Variants in BEND3 observed in about 807,000 individuals in gnomAD.
The protein encoded by BEND3 is BEN domain-containing protein 3.
BEND3 carries 13 observed loss-of-function variants against 60.1 expected under a neutral mutation model. The ratio of observed to expected loss-of-function variants is 0.22; its 90% CI spans 0.14 to 0.34. BEND3 has a LOEUF of 0.34. Ranked by LOEUF, BEND3 falls within the 10% of genes least tolerant of loss-of-function variation. The pLI is 1.00. For missense variants in BEND3, 896 were observed against 1,138.1 expected, an observed-to-expected ratio of 0.79 and a Z score of 3.06; for synonymous variants, 497 against 491.5, an observed-to-expected ratio of 1.01 and a Z score of -0.15.
At chr6:107,096,334 G>A (rs1184049533) in intron 3 of BEND3, among the ~76,000 whole-genome samples, 3 of 152,158 alleles carry the variant, frequency 2.0e-5, no homozygotes, top group Non-Finnish European at 2.9e-5. Flanking sequence ...AGAATTGGCC[G>A]GGCATAGTGA....
chr6:107,071,157 A>C (rs182672903), intron 3 of BEND3, among the ~76,000 whole-genome samples: 43 of 152,274 alleles, frequency 2.8e-4, no homozygotes, highest in African/African-American at 1.0e-3. Flanking sequence ...TGCTCTCCCC[A>C]TTCCCTGAGA....
chr6:107,099,420 T>C, intron 1 of BEND3, 124 bp from the exon 2 acceptor site: 1 of 776,686 alleles, frequency 1.3e-6, no homozygotes, highest in East Asian at 2.5e-5. Flanking sequence ...AGCACAGCAC[T>C]GTGGAAGCTA....
intron 3 of BEND3, among the ~76,000 whole-genome samples, chr6:107,096,324 A>G (rs1386441035): frequency 1.3e-5 from 2 of 152,216 alleles, no homozygotes; most frequent in African/African-American, 4.8e-5. Context: ...TGAAATGCCT[A>G]GAATTGGCCG....
intron 3 of BEND3, among the ~76,000 whole-genome samples, chr6:107,090,153 A>T (rs782444644): frequency 4.6e-5 from 7 of 152,028 alleles, no homozygotes; most frequent in Non-Finnish European, 1.0e-4. Flanking sequence ...GTTCAAGACC[A>T]TCCTGGCCAA....
At chr6:107,113,637 G>A (rs1289085763) in intron 1 of BEND3, among the ~76,000 whole-genome samples, 2 of 152,034 alleles carry the variant, frequency 1.3e-5, no homozygotes, top group Non-Finnish European at 2.9e-5. Context: ...ATGAGACACC[G>A]GGTTAGAGGC....
At chr6:107,105,884 C>G (rs1775803351) in intron 1 of BEND3, among the ~76,000 whole-genome samples, 1 of 152,192 alleles carries the variant, frequency 6.6e-6, no homozygotes, top group Admixed American at 6.5e-5. Context: ...CAAACTGAAG[C>G]AAACTCTCAC....
chr6:107,087,481 G>A lies in BEND3; in HGVS notation c.240+11070C>T, dbSNP rs558942427. Among the ~76,000 whole-genome samples the A allele has an allele frequency of 6.0e-4, 92 of 152,212 alleles. 1 individual carries two copies. The highest frequency in any genetic ancestry group is 1.9e-3 in the African/African-American group (80 of 41,542). ...CAACATGCAAGAACAGATGGTCGGC[G>A]AGGCGCAAGCACTTTAGGAGGCCGA... is the stretch of plus-strand genomic sequence containing the variant. On this transcript the variant is annotated intron_variant, in intron 3 of 3. Transcript: ENST00000369042.
chr6:107,100,758 C>T (rs1307906835), intron 1 of BEND3, among the ~76,000 whole-genome samples: 2 of 152,186 alleles, frequency 1.3e-5, no homozygotes, highest in Admixed American at 1.3e-4. Context: ...GTACAAGATA[C>T]AAAGGTAGTA....
chr6:107,081,514 A>G (rs311228), intron 3 of BEND3, among the ~76,000 whole-genome samples: 151,506 of 152,260 alleles, frequency 1, 75,382 homozygotes, highest in East Asian at 1. Context: ...GAGCCACCGC[A>G]CCTGGCCAAA....
intron 3 of BEND3, among the ~76,000 whole-genome samples, chr6:107,086,458 TACA>T (rs1176543661): frequency 6.6e-6 from 1 of 150,708 alleles, no homozygotes; most frequent in African/African-American, 2.4e-5. Flanking sequence ...CTACTAAAAA[TACA>T]ACAATTAGCC....
chr6:107,106,943 T>TC (rs202176081), intron 1 of BEND3, among the ~76,000 whole-genome samples: 2,233 of 150,906 alleles, frequency 0.015, 71 homozygotes, highest in African/African-American at 0.051. Context: ...GGGCTTTTTT[T>TC]TTTTTTTTTT....
At chr6:107,106,702 T>C (rs954333535) in intron 1 of BEND3, among the ~76,000 whole-genome samples, 3 of 152,152 alleles carry the variant, frequency 2.0e-5, no homozygotes, top group Admixed American at 6.6e-5. Context: ...CTTGAACTCC[T>C]GGGCTCAGAT....
chr6:107,076,410 C>T (rs1316525603), intron 3 of BEND3, among the ~76,000 whole-genome samples: 2 of 152,146 alleles, frequency 1.3e-5, no homozygotes, highest in Non-Finnish European at 2.9e-5. Context: ...TTTCATTCAG[C>T]CACCAGCACC....
intron 1 of BEND3, among the ~76,000 whole-genome samples, chr6:107,107,364 A>C (rs528632634): frequency 6.6e-6 from 1 of 152,200 alleles, no homozygotes; most frequent in Non-Finnish European, 1.5e-5. Context: ...AGTTTTTGTG[A>C]AAACTACAAA....
Position 107,065,718 on chromosome 6 carries a change from A to G in BEND3, c.*2986T>C, listed in dbSNP as rs1170929059. The G allele has an allele frequency of 1.3e-5, 2 of 152,218 alleles. No homozygotes were observed. Among genetic ancestry groups the G allele is most frequent in the Non-Finnish European group, 2.9e-5 (2 of 68,042 alleles). 9.4% of individuals were successfully genotyped at this position (152,218 alleles called of 1,614,324 possible). ...GTGGTCAGACCAGCAACTTTTACCA[A>G]TTAAATAGCCAATCTATTCACCACT... On this transcript the variant is annotated 3_prime_UTR_variant, in exon 4 of 4. Transcript: ENST00000369042.
At chr6:107,099,415 A>T in intron 1 of BEND3, 119 bp from the exon 2 acceptor site, 5 of 801,964 alleles carry the variant, frequency 6.2e-6, no homozygotes, top group South Asian at 1.6e-5. Context: ...AGAGCAGCAC[A>T]GCACTGTGGA....
chr6:107,089,869 A>T (rs1348372854), intron 3 of BEND3, among the ~76,000 whole-genome samples: 1 of 150,866 alleles, frequency 6.6e-6, no homozygotes, highest in African/African-American at 2.4e-5. Flanking sequence ...TGCTGGGATT[A>T]CAGGCGTGAG....
intron 3 of BEND3, among the ~76,000 whole-genome samples, chr6:107,082,708 C>T (rs1252154305): frequency 1.3e-5 from 2 of 152,152 alleles, no homozygotes; most frequent in Non-Finnish European, 2.9e-5. Flanking sequence ...GGATTACAGG[C>T]GTGAGCAACC....
At chr6:107,104,632 T>C (rs1562316114) in intron 1 of BEND3, among the ~76,000 whole-genome samples, 1 of 151,992 alleles carries the variant, frequency 6.6e-6, no homozygotes, top group Non-Finnish European at 1.5e-5. Context: ...GTGGTTATAG[T>C]GTATAGTTTT....
Sources: allele counts gnomAD v4.1 joint callset (sites outside exome capture counted in the v4.1 genomes callset), GRCh38; gene constraint gnomAD v4.1.1; transcripts MANE v1.5; gene names NCBI Gene and HGNC (gene_info 2026-07-23, HGNC 2026-07-21).